The following CCDC171 variants were observed in gnomAD, a reference collection of about 807,000 sequenced individuals.
CCDC171 encodes coiled-coil domain-containing protein 171.
A neutral mutation model predicts 168.2 loss-of-function variants in CCDC171; 177 were observed. The ratio of observed to expected loss-of-function variants is 1.05; its 90% CI spans 0.93 to 1.19. The LOEUF (loss-of-function observed/expected upper bound fraction) is 1.19, where lower values mean the gene tolerates loss of function less well. CCDC171 is among the 50% of genes most tolerant of loss of function. The probability of loss-of-function intolerance (pLI) is 0.00; values close to 1 mark genes in which losing one functional copy is unlikely to be tolerated. For missense variants in CCDC171, 1,991 were observed against 1,539.0 expected, an observed-to-expected ratio of 1.29 and a Z score of -4.91; for synonymous variants, 687 against 540.8, an observed-to-expected ratio of 1.27 and a Z score of -3.75.
chr9:15,883,551 A>G (rs758820233), intron 24 of CCDC171, among the ~76,000 whole-genome samples: 1 of 152,114 alleles, frequency 6.6e-6, no homozygotes, highest in Non-Finnish European at 1.5e-5. Context: ...TGTATTTCAG[A>G]CCAGTGTGTT....
intron 3 of CCDC171, among the ~76,000 whole-genome samples, chr9:15,988,827 A>T (rs994341904): frequency 6.6e-5 from 10 of 152,068 alleles, no homozygotes; most frequent in Non-Finnish European, 1.3e-4. Context: ...AGCCTCACCC[A>T]TTGCTAGCAC....
intron 11 of CCDC171, among the ~76,000 whole-genome samples, chr9:15,704,847 T>G (rs1260841269): frequency 1.3e-5 from 2 of 152,126 alleles, no homozygotes; most frequent in African/African-American, 2.4e-5. Context: ...GTTTACACCT[T>G]GTTTCCTAAT....
At chr9:15,609,448 T>A (rs942813475) in intron 6 of CCDC171, among the ~76,000 whole-genome samples, 4 of 152,050 alleles carry the variant, frequency 2.6e-5, no homozygotes, top group Non-Finnish European at 4.4e-5. Context: ...ATCAGTATAT[T>A]TTTTTATAGT....
the CCDC171 span, among the ~76,000 whole-genome samples, chr9:16,077,242 C>T: frequency 1.3e-5 from 2 of 152,110 alleles, no homozygotes; most frequent in Non-Finnish European, 2.9e-5. Flanking sequence ...ACTCAGTGAT[C>T]AAAGTCCAAA....
intron 10 of CCDC171, among the ~76,000 whole-genome samples, chr9:15,679,170 C>A (rs557415175): frequency 6.6e-6 from 1 of 151,068 alleles, no homozygotes; most frequent in African/African-American, 2.4e-5. Flanking sequence ...TTTTTTTTAT[C>A]GTGCATAAAA....
chr9:15,949,241 T>C (rs1589220104), intron 25 of CCDC171, among the ~76,000 whole-genome samples: 1 of 152,198 alleles, frequency 6.6e-6, no homozygotes, highest in East Asian at 1.9e-4. Context: ...TAGTATAGTT[T>C]GAAGTCAGGT....
chr9:15,984,409 AGT>A (rs2132880479), intron 3 of CCDC171, among the ~76,000 whole-genome samples: 1 of 144,396 alleles, frequency 6.9e-6, no homozygotes, highest in African/African-American at 2.6e-5. Flanking sequence ...TATATATATG[AGT>A]GTGTGTGTAC....
At chr9:15,686,387 G>C (rs2050394961) in intron 10 of CCDC171, among the ~76,000 whole-genome samples, 1 of 152,034 alleles carries the variant, frequency 6.6e-6, no homozygotes, top group South Asian at 2.1e-4. Flanking sequence ...GTCATGCAGG[G>C]TTTTTGATGA....
At chr9:15,689,894 C>A (rs1413608520) in intron 10 of CCDC171, among the ~76,000 whole-genome samples, 1 of 152,048 alleles carries the variant, frequency 6.6e-6, no homozygotes, top group African/African-American at 2.4e-5. Flanking sequence ...GAAAAAAATC[C>A]TTCATGATTA....
intron 24 of CCDC171, among the ~76,000 whole-genome samples, chr9:15,901,291 A>G (rs7034388): frequency 0.5 from 76,216 of 152,032 alleles, 20,356 homozygotes; most frequent in East Asian, 0.81. Context: ...ATACATTTGT[A>G]AAACCCATAG....
At chr9:15,567,708 A>C (rs1425022290) in intron 2 of CCDC171, among the ~76,000 whole-genome samples, 1 of 151,690 alleles carries the variant, frequency 6.6e-6, no homozygotes, top group Non-Finnish European at 1.5e-5. Flanking sequence ...AGGCTAGAGT[A>C]CAGTGGCATG....
chr9:15,567,093 C>G (rs547761148), intron 2 of CCDC171, among the ~76,000 whole-genome samples: 6 of 142,830 alleles, frequency 4.2e-5, no homozygotes, highest in African/African-American at 1.6e-4. Flanking sequence ...GTGGCGTGAT[C>G]TCACTGCAAC....
intron 21 of CCDC171, among the ~76,000 whole-genome samples, chr9:15,811,609 T>G (rs1168434796): frequency 6.6e-6 from 1 of 152,200 alleles, no homozygotes; most frequent in African/African-American, 2.4e-5. Flanking sequence ...TAACTTTAAG[T>G]AAGTGTGGAT....
chr9:15,562,230 G>A (rs1181032389), intron 1 of CCDC171, among the ~76,000 whole-genome samples: 1 of 151,968 alleles, frequency 6.6e-6, no homozygotes, highest in African/African-American at 2.4e-5. Context: ...TCCTGACCTC[G>A]TGATCCACCC....
intron 16 of CCDC171, among the ~76,000 whole-genome samples, chr9:15,742,324 C>T (rs527477013): frequency 4.9e-4 from 75 of 152,334 alleles, no homozygotes; most frequent in African/African-American, 1.7e-3. Context: ...ATAAGGTACT[C>T]AGTCCTCTGT....
intron 6 of CCDC171, among the ~76,000 whole-genome samples, chr9:15,615,918 C>T (rs762015295): frequency 6.6e-6 from 1 of 151,910 alleles, no homozygotes; most frequent in African/African-American, 2.4e-5. Context: ...ACTGGGACCA[C>T]AGGCATGCGC....
intron 8 of CCDC171, among the ~76,000 whole-genome samples, chr9:15,661,866 G>A (rs1279552626): frequency 2.6e-5 from 4 of 152,144 alleles, no homozygotes; most frequent in African/African-American, 9.7e-5. Context: ...TTACTGTTTG[G>A]CTTACAAACA....
intron 7 of CCDC171, among the ~76,000 whole-genome samples, chr9:15,648,879 C>G (rs1276657694): frequency 6.6e-6 from 1 of 152,130 alleles, no homozygotes; most frequent in Non-Finnish European, 1.5e-5. Context: ...ACTTTCTTCA[C>G]AGAATTGGAA....
intron 6 of CCDC171, among the ~76,000 whole-genome samples, chr9:15,599,838 T>C (rs1303678049): frequency 2.0e-5 from 3 of 152,156 alleles, no homozygotes; most frequent in African/African-American, 7.2e-5. Flanking sequence ...TTGGAGACTT[T>C]CTTTGTTTCT....
Sources: allele counts gnomAD v4.1 joint callset (sites outside exome capture counted in the v4.1 genomes callset), GRCh38; gene constraint gnomAD v4.1.1; transcripts MANE v1.5; gene names NCBI Gene and HGNC (gene_info 2026-07-23, HGNC 2026-07-21).